The following CROCC variants were observed in gnomAD, a reference collection of about 807,000 sequenced individuals.
CROCC encodes ciliary rootlet coiled-coil, rootletin, also known as rootletin.
In CROCC, 180 loss-of-function variants were observed where a neutral mutation model predicts 245.2. The ratio of observed to expected loss-of-function variants is 0.73; its 90% confidence interval spans 0.65 to 0.83. The LOEUF (loss-of-function observed/expected upper bound fraction) is 0.83. Among genes scored for constraint, CROCC ranks in the 40% least tolerant of loss-of-function variants. The pLI is 0.00. For synonymous variants in CROCC, 1,205 were observed against 1,241.6 expected (o/e 0.97, Z 0.62); for missense variants, 2,688 against 2,779.4 (o/e 0.97, Z 0.74).
chr1:16,960,773 C>G lies in CROCC; in HGVS notation c.4048C>G (p.Arg1350Gly). The G allele has an allele frequency of 6.5e-7, 1 of 1,533,850 alleles. No individual in the cohort carries two copies. Among genetic ancestry groups the G allele is most frequent in the Non-Finnish European group, 8.7e-7 (1 of 1,147,486 alleles). The change falls in exon 27 of 37, where the codon CGG becomes GGG. Residue 1350 changes from arginine to glycine, a missense_variant. Physicochemically the swap from Arg to Gly is moderately radical, Grantham distance 125 (BLOSUM62 -2). Transcript: ENST00000375541. ...ATCACTCCAGCTCCAGGTAGCCCAGCGGAAGCTGCAGGAACAAGAAGGCGA... is the reference window on the plus strand; with the variant it reads ...ATCACTCCAGCTCCAGGTAGCCCAGGGGAAGCTGCAGGAACAAGAAGGCGA... Reference protein sequence around the residue: ...VMRQELQVAQRKLQEQEGEFR... With the variant: ...VMRQELQVAQGKLQEQEGEFR...
chr1:16,971,778 C>CT (rs1356209501), intron 36 of CROCC, 131 bp downstream of exon 36: 15 of 958,058 alleles, frequency 1.6e-5, no homozygotes, highest in Non-Finnish European at 2.1e-5. Context: ...GGGGTTGGCT[C>CT]TGCGCTGGTG....
intron 3 of CROCC, among the ~76,000 whole-genome samples, chr1:16,926,402 A>G (rs2075535544): frequency 6.6e-6 from 1 of 152,176 alleles, no homozygotes; most frequent in Non-Finnish European, 1.5e-5. Context: ...GTTGGGCAAC[A>G]TTCTCTTTCC....
chr1:16,941,778 C>T (rs1208669235), intron 13 of CROCC, among the ~76,000 whole-genome samples: 6 of 152,212 alleles, frequency 3.9e-5, no homozygotes, highest in African/African-American at 1.2e-4. Flanking sequence ...TTGCCCTAGC[C>T]ACATTTCAAG....
At chr1:16,971,040 G>A (rs754266211) in intron 35 of CROCC, 36 of 454,100 alleles carry the variant, frequency 7.9e-5, no homozygotes, top group Non-Finnish European at 1.3e-4. Flanking sequence ...TCTTGTGTAT[G>A]GAGCATGAAT....
chr1:16,949,557 A>G (rs1420403126), intron 19 of CROCC, among the ~76,000 whole-genome samples: 1 of 152,154 alleles, frequency 6.6e-6, no homozygotes, highest in Non-Finnish European at 1.5e-5. Context: ...TTTGACGGGT[A>G]TGTTCATGTC....
At chr1:16,914,395 C>A (rs1297386975) in intron 1 of CROCC, among the ~76,000 whole-genome samples, 1 of 152,260 alleles carries the variant, frequency 6.6e-6, no homozygotes, top group Non-Finnish European at 1.5e-5. Flanking sequence ...GCCTGCAGGG[C>A]GCAGCCGTCC....
chr1:16,960,453 AT>A (rs1280198200), intron 26 of CROCC, among the ~76,000 whole-genome samples: 2 of 152,190 alleles, frequency 1.3e-5, no homozygotes, highest in Non-Finnish European at 2.9e-5. Context: ...TAGAGTTAAT[AT>A]TTTTTGGAAA....
At chr1:16,944,877 T>C (rs1436511789) in intron 14 of CROCC, among the ~76,000 whole-genome samples, 3 of 152,286 alleles carry the variant, frequency 2.0e-5, no homozygotes, top group Non-Finnish European at 4.4e-5. Flanking sequence ...CATGTTATTC[T>C]TGTTTCTGAA....
chr1:16,940,080 G>C lies in CROCC; in HGVS notation c.1795G>C (p.Glu599Gln). The C allele has an allele frequency of 1.2e-6, 2 of 1,604,684 alleles. No homozygotes were observed. Among genetic ancestry groups the C allele is most frequent in the Non-Finnish European group, 1.7e-6 (2 of 1,177,170 alleles). Residue 599 changes from glutamate to glutamine, a missense_variant, in exon 13 of 37, where the codon GAG becomes CAG. Glu to Gln is a conservative substitution (Grantham distance 29, BLOSUM62 2). Transcript: ENST00000375541. ...GGTGCAGCGGCTGCGGAGCGCCAAC[G>C]AGCTCCTGAGCAGGTGCCGGGGAGG... ...REVQRLRSAN[E>Q]LLSREKSNLA...
chr1:16,971,281 G>A (rs1001075354), intron 35 of CROCC, among the ~76,000 whole-genome samples, 184 bp from the exon 36 acceptor site: 1 of 151,446 alleles, frequency 6.6e-6, no homozygotes, highest in East Asian at 1.9e-4. Flanking sequence ...GGGGGTCATT[G>A]GGTGCACTCA....
chr1:16,937,027 C>G (rs1483658215), intron 9 of CROCC, among the ~76,000 whole-genome samples, 154 bp downstream of exon 9: 1 of 152,280 alleles, frequency 6.6e-6, no homozygotes, highest in Non-Finnish European at 1.5e-5. Context: ...AAGGCACTTG[C>G]CCAGTGTTTA....
chr1:16,947,496 A>AATAATAATG (rs1557615743), intron 17 of CROCC, among the ~76,000 whole-genome samples: 2 of 151,372 alleles, frequency 1.3e-5, no homozygotes, highest in African/African-American at 4.8e-5. Context: ...TAATAATAAT[A>AATAATAATG]ATAATGATAC....
At chr1:16,952,837 C>T (rs955770781) in intron 20 of CROCC, among the ~76,000 whole-genome samples, 4 of 152,216 alleles carry the variant, frequency 2.6e-5, no homozygotes, top group African/African-American at 9.6e-5. Flanking sequence ...AGCTAAAAAT[C>T]AGATTGCTCC....
intron 11 of CROCC, 151 bp downstream of exon 11, chr1:16,938,634 G>A: frequency 1.1e-5 from 10 of 891,970 alleles, no homozygotes; most frequent in Non-Finnish European, 1.5e-5. Flanking sequence ...AGCTCACCCA[G>A]CCTCTGCCTT....
chr1:16,937,156 C>A (rs1368563075), intron 9 of CROCC, among the ~76,000 whole-genome samples: 5 of 152,276 alleles, frequency 3.3e-5, no homozygotes, highest in African/African-American at 4.8e-5. Flanking sequence ...GAGCTCAAGA[C>A]CAGCCTGTCC....
At chr1:16,919,191 A>C (rs2075354062), upstream of CROCC, among the ~76,000 whole-genome samples, 1 of 152,274 alleles carries the variant, frequency 6.6e-6, no homozygotes, top group Non-Finnish European at 1.5e-5. Context: ...TTTATACAGC[A>C]CCGTGGCATT....
intron 2 of CROCC, among the ~76,000 whole-genome samples, chr1:16,923,674 C>CTT (rs61063425): frequency 0.062 from 6,428 of 103,250 alleles, 15 homozygotes; most frequent in Non-Finnish European, 0.068. Flanking sequence ...ACTATTCTAC[C>CTT]TTTTTTTTTT....
intron 27 of CROCC, among the ~76,000 whole-genome samples, chr1:16,962,824 A>G (rs985157768): frequency 2.6e-5 from 4 of 151,556 alleles, no homozygotes; most frequent in Non-Finnish European, 5.9e-5. Flanking sequence ...ATCTGGGAAC[A>G]GATGATGGTG....
chr1:16,961,850 G>A (rs1452846069), intron 27 of CROCC, among the ~76,000 whole-genome samples: 1 of 152,120 alleles, frequency 6.6e-6, no homozygotes, highest in African/African-American at 2.4e-5. Flanking sequence ...GGACTCAAGC[G>A]ATCCTCCCAC....
Sources: allele counts gnomAD v4.1 joint callset (sites outside exome capture counted in the v4.1 genomes callset), GRCh38; gene constraint gnomAD v4.1.1; transcripts MANE v1.5; gene names NCBI Gene and HGNC (gene_info 2026-07-23, HGNC 2026-07-21).